Variants in HAT1 observed in about 807,000 individuals in gnomAD.
HAT1 encodes the protein histone acetyltransferase 1.
A neutral mutation model predicts 56.6 loss-of-function variants in HAT1; 20 were observed. That is an observed-to-expected ratio of 0.35 (90% CI 0.25 to 0.51). The LOEUF is 0.51. HAT1 is among the 20% of genes least tolerant of loss of function. The pLI, the probability that HAT1 is intolerant of heterozygous loss-of-function variation, is 0.95. For synonymous variants in HAT1, 146 were observed against 165.5 expected (o/e 0.88, Z 0.91); for missense variants, 408 against 504.3 (o/e 0.81, Z 1.83).
intron 5 of HAT1, 39 bp downstream of exon 5, chr2:171,965,556 TTTG>T (rs1180566309): frequency 1.5e-6 from 2 of 1,312,302 alleles, no homozygotes; most frequent in African/African-American, 1.5e-5. Context: ...TAAAGTTCTA[TTTG>T]CCTGAAACCT....
In HAT1 at chr2:171,962,341, C is replaced by T. The variant is rs115223964; in HGVS notation, c.310-2997C>T. Reference sequence around the variant, plus strand: ...TCCTTTTTAAAAATAAATTACCAAGCGTTAGGAAACCATTTGTAAGAGATG... The same window carrying T: ...TCCTTTTTAAAAATAAATTACCAAGTGTTAGGAAACCATTTGTAAGAGATG... On this transcript the variant is annotated intron_variant, in intron 4 of 10. Transcript: ENST00000264108. 2.9e-3 allele frequency among the ~76,000 whole-genome samples: 448 copies of T among 152,226 alleles called. 3 individuals are homozygous for T. The highest frequency in any genetic ancestry group is 1.0e-2 in the African/African-American group (414 of 41,530).
chr2:171,978,206 AG>A (rs1489816027), intron 9 of HAT1, among the ~76,000 whole-genome samples: 11 of 151,942 alleles, frequency 7.2e-5, no homozygotes, highest in African/African-American at 2.7e-4. Flanking sequence ...CTGGGACTGC[AG>A]GGGTACGCCA....
At chr2:171,940,856 G>GTC (rs1385828253) in intron 2 of HAT1, among the ~76,000 whole-genome samples, 1 of 152,122 alleles carries the variant, frequency 6.6e-6, no homozygotes, top group African/African-American at 2.4e-5. Context: ...TTTGTTGGCA[G>GTC]TCTTAGAGTC....
intron 2 of HAT1, among the ~76,000 whole-genome samples, chr2:171,944,830 T>C (rs1687116347): frequency 6.6e-6 from 1 of 152,216 alleles, no homozygotes; most frequent in South Asian, 2.1e-4. Context: ...GGGAGTGACC[T>C]GGTCTGTGAG....
chr2:171,931,617 T>C (rs908746736), intron 2 of HAT1, among the ~76,000 whole-genome samples: 9 of 151,542 alleles, frequency 5.9e-5, no homozygotes, highest in African/African-American at 1.7e-4. Context: ...GAGGTTGCAG[T>C]GAGCCGAGAT....
intron 3 of HAT1, among the ~76,000 whole-genome samples, chr2:171,951,399 A>AAGTGCTGG (rs1687303699): frequency 6.6e-6 from 1 of 152,000 alleles, no homozygotes; most frequent in Non-Finnish European, 1.5e-5. Context: ...TTAGTAGATA[A>AAGTGCTGG]GATCTAGTTT....
intron 8 of HAT1, among the ~76,000 whole-genome samples, chr2:171,969,846 A>T (rs1252392972): frequency 6.6e-6 from 1 of 152,134 alleles, no homozygotes; most frequent in Non-Finnish European, 1.5e-5. Context: ...TTCTGAGGGT[A>T]TAGAAGTTAC....
chr2:171,925,429 A>C (rs569171390), intron 1 of HAT1, 108 bp from the exon 2 acceptor site: 1 of 615,688 alleles, frequency 1.6e-6, no homozygotes, highest in East Asian at 2.8e-5. Flanking sequence ...TTTATGATCT[A>C]TCAGCATGTT....
chr2:171,922,792 A>G (rs1287271617), intron 1 of HAT1: 1 of 384,574 alleles, frequency 2.6e-6, no homozygotes, highest in African/African-American at 2.1e-5. Flanking sequence ...TGGGCTCGTA[A>G]AATGCCACAT....
intron 10 of HAT1, chr2:171,979,610 C>A: frequency 3.3e-6 from 1 of 300,940 alleles, no homozygotes; most frequent in East Asian, 7.5e-5. Flanking sequence ...AAGTTCAAGA[C>A]CAGCCTGGCC....
chr2:171,977,348 G>A (rs1687992982), intron 9 of HAT1, among the ~76,000 whole-genome samples: 1 of 147,430 alleles, frequency 6.8e-6, no homozygotes, highest in Admixed American at 6.8e-5. Flanking sequence ...TGTAATCCCA[G>A]CTACTCAGGA....
rs1238979094 is a variant in HAT1 at position 171,939,310 on chromosome 2, G to C, written c.113-7398G>C. ...TGTTTGAAACATGTCAACAAACCCA[G>C]TGTTCGCTCGTCACCCTAATACTTC... On this transcript the variant is annotated intron_variant, in intron 2 of 10. Coordinates refer to ENST00000264108, the MANE Select transcript of HAT1 (RefSeq NM_003642.4). Among the ~76,000 whole-genome samples the C allele has an allele frequency of 2.0e-5, 3 of 152,320 alleles. No individual in the cohort carries two copies. The South Asian group carries it at 6.2e-4, about 32-fold the overall frequency.
At chr2:171,976,123 G>A in intron 8 of HAT1, 34 bp from the exon 9 acceptor site, 2 of 1,207,254 alleles carry the variant, frequency 1.7e-6, no homozygotes, top group Non-Finnish European at 2.1e-6. Context: ...GAGTATCAGG[G>A]AAATGTTAAT....
At chr2:171,974,183 A>AG (rs1687893546) in intron 8 of HAT1, among the ~76,000 whole-genome samples, 1 of 101,752 alleles carries the variant, frequency 9.8e-6, no homozygotes, top group African/African-American at 3.4e-5. Context: ...CAAAAAAAAA[A>AG]AAAAAAAAAG....
At chr2:171,934,258 TC>T (rs1159130271) in intron 2 of HAT1, among the ~76,000 whole-genome samples, 1 of 152,192 alleles carries the variant, frequency 6.6e-6, no homozygotes, top group Non-Finnish European at 1.5e-5. Context: ...CAATGATCTA[TC>T]AGAGAAGGGG....
rs1688178929 is a variant in HAT1 at position 171,983,271 on chromosome 2, G to A, written c.1179G>A (p.Met393Ile). 2 of 1,604,084 alleles carry A rather than the reference G, an allele frequency of 1.2e-6. No individual in the cohort carries two copies. The highest frequency in any genetic ancestry group is 1.1e-5 in the South Asian group (1 of 90,584). The change falls in exon 11 of 11, where the codon ATG (methionine) becomes ATA (isoleucine). Residue 393 changes from methionine to isoleucine, a missense_variant. Physicochemically the swap from Met to Ile is conservative, Grantham distance 10. Transcript: ENST00000264108. The part of the protein sequence containing the change: ...TNQMNQIEIS[M>I]QHEQLEESFQ... ...AGATGAACCAAATAGAAATAAGCAT[G>A]CAACATGAACAGCTGGAAGAGAGTT...
intron 2 of HAT1, among the ~76,000 whole-genome samples, chr2:171,944,439 G>T (rs1035652835): frequency 9.2e-5 from 14 of 152,264 alleles, no homozygotes; most frequent in Middle Eastern, 3.4e-3. Context: ...AAAATTTTTG[G>T]TGAGAAAACT....
intron 2 of HAT1, among the ~76,000 whole-genome samples, chr2:171,928,675 ATTC>A (rs1285380239): frequency 6.6e-6 from 1 of 151,980 alleles, no homozygotes; most frequent in Non-Finnish European, 1.5e-5. Context: ...CGCCTGGCTA[ATTC>A]TTTTGTATTT....
Position 171,974,207 on chromosome 2 carries a change from GA to G in HAT1, c.824-1937del, listed in dbSNP as rs202160940. On this transcript the variant is annotated intron_variant, in intron 8 of 10. Coordinates refer to ENST00000264108, the MANE Select transcript of HAT1 (RefSeq NM_003642.4). ...AAAAAAAAAAAGAAAAAAAGAAAAA[GA>G]AAAAAAAAAAAAGAAATATCTCCAT... 6.0e-3 allele frequency among the ~76,000 whole-genome samples: 426 copies of G among 71,094 alleles called. 1 individual carries two copies. The highest frequency in any genetic ancestry group is 0.022 in the East Asian group (59 of 2,650). The allele number at this position is 71,094 out of a possible 152,430, so 46.6% of individuals were successfully genotyped here.
Sources: gnomAD v4.1 joint callset for allele counts (sites outside exome capture counted in the v4.1 genomes callset) on GRCh38, gnomAD v4.1.1 for gene constraint, MANE v1.5 for transcripts, NCBI Gene and HGNC (gene_info 2026-07-23, HGNC 2026-07-21) for gene names.